AUTS2: variants seen among roughly 807,000 people sequenced by gnomAD.
AUTS2 encodes activator of transcription and developmental regulator AUTS2, also known as autism susceptibility gene 2 protein.
AUTS2 carries 17 observed loss-of-function variants against 112.4 expected under a neutral mutation model. That is an observed-to-expected ratio of 0.15 (90% CI 0.10 to 0.23). AUTS2 has a LOEUF of 0.23. AUTS2 is among the 10% of genes least tolerant of loss of function. AUTS2 has a pLI of 1.00. For synonymous variants in AUTS2, 751 were observed against 702.7 expected, an observed-to-expected ratio of 1.07 and a Z score of -1.09; for missense variants, 1,510 against 1,701.6, an observed-to-expected ratio of 0.89 and a Z score of 1.98.
At chr7:70,569,975 A>G (rs548218200) in intron 5 of AUTS2, among the ~76,000 whole-genome samples, 1 of 152,316 alleles carries the variant, frequency 6.6e-6, no homozygotes, top group East Asian at 1.9e-4. Flanking sequence ...GATGCCTCAG[A>G]TAATGAGATG....
At chr7:69,818,550 G>C (rs1790856602) in intron 1 of AUTS2, among the ~76,000 whole-genome samples, 1 of 152,158 alleles carries the variant, frequency 6.6e-6, no homozygotes, top group African/African-American at 2.4e-5. Context: ...AGGAATATCT[G>C]TAATCTTTTA....
chr7:69,968,452 A>G (rs1797716608), intron 2 of AUTS2, among the ~76,000 whole-genome samples: 1 of 152,124 alleles, frequency 6.6e-6, no homozygotes, highest in African/African-American at 2.4e-5. Flanking sequence ...ATCTTCACTT[A>G]CCGGGGCTGT....
intron 4 of AUTS2, among the ~76,000 whole-genome samples, chr7:70,311,869 C>T (rs1789770168): frequency 6.6e-6 from 1 of 152,332 alleles, no homozygotes; most frequent in Admixed American, 6.5e-5. Context: ...GCACCCACCA[C>T]CACGCCTGGC....
intron 5 of AUTS2, among the ~76,000 whole-genome samples, chr7:70,514,371 G>T (rs1799328018): frequency 6.6e-6 from 1 of 152,220 alleles, no homozygotes. Flanking sequence ...GGTTCTACTG[G>T]CTGTACAAGC....
intron 1 of AUTS2, among the ~76,000 whole-genome samples, chr7:69,685,505 A>G (rs1026462664): frequency 3.3e-5 from 5 of 152,174 alleles, no homozygotes; most frequent in South Asian, 2.1e-4. Flanking sequence ...AAACTAAGCT[A>G]TTTGTCCAGG....
At chr7:70,761,764 G>T (rs1271456149) in intron 6 of AUTS2, among the ~76,000 whole-genome samples, 1 of 152,150 alleles carries the variant, frequency 6.6e-6, no homozygotes, top group African/African-American at 2.4e-5. Context: ...ATCCATACAG[G>T]AGCAGCTATT....
chr7:70,724,631 C>T (rs2129551816), intron 6 of AUTS2, among the ~76,000 whole-genome samples: 1 of 151,572 alleles, frequency 6.6e-6, no homozygotes, highest in Middle Eastern at 3.4e-3. Context: ...TTTTTTAGTA[C>T]AGACAGGGTT....
intron 5 of AUTS2, among the ~76,000 whole-genome samples, chr7:70,636,998 A>T (rs1456572454): frequency 6.6e-6 from 1 of 152,170 alleles, no homozygotes; most frequent in Non-Finnish European, 1.5e-5. Flanking sequence ...TGTTATGTTT[A>T]TCGAACACCT....
At chr7:70,440,249 A>T (rs1403569690) in intron 5 of AUTS2, among the ~76,000 whole-genome samples, 1 of 149,796 alleles carries the variant, frequency 6.7e-6, no homozygotes, top group Non-Finnish European at 1.5e-5. Context: ...AAAAAAAAAA[A>T]TCTTAAAACT....
At chr7:69,674,870 G>C (rs2533429) in intron 1 of AUTS2, among the ~76,000 whole-genome samples, 2 of 151,930 alleles carry the variant, frequency 1.3e-5, no homozygotes, top group Non-Finnish European at 2.9e-5. Flanking sequence ...GACAAGAAAC[G>C]TGGGTCAGGA....
At chr7:69,860,960 T>C (rs1792953278) in intron 1 of AUTS2, among the ~76,000 whole-genome samples, 1 of 152,210 alleles carries the variant, frequency 6.6e-6, no homozygotes, top group South Asian at 2.1e-4. Context: ...TATTTCATTG[T>C]AATGGACATG....
At chr7:69,982,594 G>A (rs1013605065) in intron 2 of AUTS2, among the ~76,000 whole-genome samples, 1 of 152,210 alleles carries the variant, frequency 6.6e-6, no homozygotes, top group Non-Finnish European at 1.5e-5. Context: ...ACCCATGGGT[G>A]AAATGAAGAA....
At chr7:70,765,758 C>G (rs567771307) in intron 8 of AUTS2, among the ~76,000 whole-genome samples, 25 of 152,246 alleles carry the variant, frequency 1.6e-4, no homozygotes, top group Non-Finnish European at 3.2e-4. Flanking sequence ...ATTATTGTCC[C>G]CCTCTTGGAG....
intron 1 of AUTS2, among the ~76,000 whole-genome samples, chr7:69,691,431 T>G (rs902639833): frequency 6.6e-6 from 1 of 151,998 alleles, no homozygotes; most frequent in African/African-American, 2.4e-5. Context: ...ACCCCCATCC[T>G]CCACTTCCCT....
intron 3 of AUTS2, among the ~76,000 whole-genome samples, chr7:70,131,054 C>T (rs1806244637): frequency 6.6e-6 from 1 of 152,172 alleles, no homozygotes; most frequent in African/African-American, 2.4e-5. Context: ...CAGTTTGACT[C>T]ACAGCCTTTT....
intron 1 of AUTS2, among the ~76,000 whole-genome samples, chr7:69,654,090 G>A (rs1440846320): frequency 1.3e-5 from 2 of 152,208 alleles, no homozygotes; most frequent in African/African-American, 4.8e-5. Context: ...ACCTTTGAGA[G>A]CTGCTCTTAA....
At chr7:70,341,810 A>G (rs1438041858) in intron 4 of AUTS2, among the ~76,000 whole-genome samples, 1 of 152,262 alleles carries the variant, frequency 6.6e-6, no homozygotes, top group Non-Finnish European at 1.5e-5. Flanking sequence ...ACAGATCTGT[A>G]GAAAAGGCAA....
At chr7:69,977,160 T>G (rs1682900419) in intron 2 of AUTS2, among the ~76,000 whole-genome samples, 1 of 152,204 alleles carries the variant, frequency 6.6e-6, no homozygotes, top group Admixed American at 6.5e-5. Flanking sequence ...CTTTTGCATG[T>G]GAGCGTCCAG....
At chr7:69,730,388 C>T (rs767194195) in intron 1 of AUTS2, among the ~76,000 whole-genome samples, 2 of 152,068 alleles carry the variant, frequency 1.3e-5, no homozygotes, top group Non-Finnish European at 2.9e-5. Context: ...ATTCTGTCCC[C>T]ACCTGCCCCC....
Sources: gnomAD v4.1 joint callset for allele counts (sites outside exome capture counted in the v4.1 genomes callset) on GRCh38, gnomAD v4.1.1 for gene constraint, MANE v1.5 for transcripts, NCBI Gene and HGNC (gene_info 2026-07-23, HGNC 2026-07-21) for gene names.